USP9Y: variants seen among roughly 807,000 people sequenced by gnomAD.
USP9Y encodes the protein ubiquitin specific peptidase 9 Y-linked.
In USP9Y, 41 loss-of-function variants were observed where a neutral mutation model predicts 53.1. The ratio of observed to expected loss-of-function variants is 0.77; its 90% CI spans 0.60 to 1.00. The LOEUF (loss-of-function observed/expected upper bound fraction) is 1.00, where lower values mean the gene tolerates loss of function less well. Among genes scored for constraint, USP9Y ranks in the 50% least tolerant of loss-of-function variants. The probability of loss-of-function intolerance (pLI) is 0.00; values close to 1 mark genes in which losing one functional copy is unlikely to be tolerated. For synonymous variants in USP9Y, 220 were observed against 173.7 expected (o/e 1.27, Z -2.09); for missense variants, 567 against 535.8 (o/e 1.06, Z -0.58).
In USP9Y at chrY:12,856,389, G is replaced by A; in HGVS notation, c.7114G>A (p.Asp2372Asn). The A allele has an allele frequency of 2.3e-5, 9 of 397,425 alleles. No homozygotes were observed. Among genetic ancestry groups the A allele is most frequent in the Non-Finnish European group, 2.8e-5 (8 of 282,676 alleles). The part of the protein sequence containing the change: ...GIPDDRDGLF[D>N]TIQRSKNHYQ... ...TCCAGATGACAGAGATGGGCTGTTC[G>A]ATACAATACAGCGCTCGAAGAATCA... The change falls in exon 43 of 46, where the codon GAT (aspartate) becomes AAT (asparagine). Residue 2372 changes from aspartate (D) to asparagine (N), a missense_variant. Asp to Asn is a conservative substitution (Grantham distance 23). Transcript: ENST00000338981.
chrY:12,743,350 G>T, intron 12 of USP9Y, among the ~76,000 whole-genome samples: 1 of 32,705 alleles, frequency 3.1e-5, no homozygotes, highest in Non-Finnish European at 7.5e-5. Flanking sequence ...AGTTCACACC[G>T]TTCATCTGCC....
At chrY:12,812,596 G>GAAT (rs2053532082) in intron 30 of USP9Y, among the ~76,000 whole-genome samples, 2 of 33,616 alleles carry the variant, frequency 5.9e-5, no homozygotes, top group Admixed American at 2.7e-4. Context: ...AATTTATTTA[G>GAAT]AATGTCACTT....
At chrY:12,708,873 T>G (rs2053422061) in intron 2 of USP9Y, among the ~76,000 whole-genome samples, 180 bp downstream of exon 2, 1 of 34,298 alleles carries the variant, frequency 2.9e-5, no homozygotes, top group African/African-American at 1.1e-4. Context: ...TTATTAACTG[T>G]AAAGACTGGT....
chrY:12,830,720 A>T, intron 33 of USP9Y, among the ~76,000 whole-genome samples: 3 of 33,687 alleles, frequency 8.9e-5, no homozygotes, highest in Non-Finnish European at 2.2e-4. Context: ...TAATACTGGC[A>T]GTCCTACCCA....
intron 39 of USP9Y, among the ~76,000 whole-genome samples, chrY:12,844,521 T>C: frequency 3.0e-5 from 1 of 33,290 alleles, no homozygotes; most frequent in African/African-American, 1.2e-4. Context: ...ATACTTGTAA[T>C]AGAGTAAGAA....
chrY:12,738,818 G>A, intron 11 of USP9Y, among the ~76,000 whole-genome samples: 1 of 33,559 alleles, frequency 3.0e-5, no homozygotes, highest in African/African-American at 1.2e-4. Context: ...GGGATTGCAG[G>A]TGTGAGCCAC....
chrY:12,717,516 C>T, intron 3 of USP9Y, among the ~76,000 whole-genome samples: 1 of 32,619 alleles, frequency 3.1e-5, no homozygotes, highest in Non-Finnish European at 7.5e-5. Context: ...AGGCCTGTTT[C>T]TTAACCATGC....
chrY:12,734,823 A>C, intron 7 of USP9Y, among the ~76,000 whole-genome samples: 1 of 32,834 alleles, frequency 3.0e-5, no homozygotes, highest in Non-Finnish European at 7.4e-5. Context: ...TAATCCCAGC[A>C]CTTTGGGAGT....
At chrY:12,813,151 T>G in intron 31 of USP9Y, 99 bp downstream of exon 31, 1 of 202,618 alleles carries the variant, frequency 4.9e-6, no homozygotes, top group South Asian at 4.2e-5. Flanking sequence ...TGATGGACTT[T>G]TTTTGATCCA....
At chrY:12,850,350 T>C (rs2053570645) in intron 42 of USP9Y, among the ~76,000 whole-genome samples, 1 of 32,930 alleles carries the variant, frequency 3.0e-5, no homozygotes, top group South Asian at 7.0e-4. Context: ...TCTTTATTAG[T>C]CTTGCTAGTG....
intron 27 of USP9Y, among the ~76,000 whole-genome samples, chrY:12,798,825 A>C: frequency 3.3e-5 from 1 of 30,754 alleles, no homozygotes; most frequent in African/African-American, 1.3e-4. Flanking sequence ...CAGCTATGAC[A>C]TTTACATAGT....
At chrY:12,831,827 G>A in intron 33 of USP9Y, among the ~76,000 whole-genome samples, 3 of 33,737 alleles carry the variant, frequency 8.9e-5, no homozygotes, top group African/African-American at 3.5e-4. Flanking sequence ...AAACCCAAAG[G>A]AATTGAAAGC....
chrY:12,705,672 T>C, intron 1 of USP9Y, among the ~76,000 whole-genome samples: 1 of 33,506 alleles, frequency 3.0e-5, no homozygotes, highest in Non-Finnish European at 7.4e-5. Context: ...TGATTGTGTC[T>C]TTCCCTGTCT....
intron 3 of USP9Y, among the ~76,000 whole-genome samples, chrY:12,712,236 T>C (rs769911202): frequency 3.3e-4 from 11 of 33,498 alleles, no homozygotes; most frequent in Admixed American, 2.2e-3. Context: ...TCTACTGATA[T>C]AGTCTGCTGA....
At position 12,815,039 on chromosome Y, in the gene USP9Y, G is replaced by T. The variant is rs751286549; in HGVS notation, c.4610-1085G>T. Among the ~76,000 whole-genome samples, 3 of 33,885 alleles carry T rather than the reference G, an allele frequency of 8.9e-5. No homozygotes were observed. In the South Asian group the frequency reaches 2.0e-3, roughly 22 times the overall value. 90.9% of individuals were successfully genotyped at this position (33,885 alleles called of 37,273 possible). ...GAAGGAAACAGATATTTACGTGAAG[G>T]TTATACTTTTTTAAGAATCAGAACC... On this transcript the variant is annotated intron_variant, in intron 31 of 45. Transcript: ENST00000338981.
At chrY:12,815,720 G>A (rs935495792) in intron 31 of USP9Y, among the ~76,000 whole-genome samples, 5 of 33,134 alleles carry the variant, frequency 1.5e-4, no homozygotes. Context: ...GGAATGACAG[G>A]CACATGCCAC....
chrY:12,858,313 C>T (rs757425947), intron 45 of USP9Y, among the ~76,000 whole-genome samples: 4 of 31,893 alleles, frequency 1.3e-4, no homozygotes, highest in South Asian at 7.2e-4. Context: ...ACAGGGCTAT[C>T]GTGGGGCTCA....
chrY:12,755,235 G>A, intron 12 of USP9Y, among the ~76,000 whole-genome samples: 1 of 27,383 alleles, frequency 3.7e-5, no homozygotes, highest in Non-Finnish European at 8.4e-5. Flanking sequence ...CGCGGTCTCC[G>A]CTGACTGCAA....
At chrY:12,768,614 AT>A (rs1556158810) in intron 15 of USP9Y, among the ~76,000 whole-genome samples, 1 of 28,404 alleles carries the variant, frequency 3.5e-5, no homozygotes, top group South Asian at 7.8e-4. Context: ...GCCTTTTCTT[AT>A]TTTTTTTTTC....
Sources: allele counts gnomAD v4.1 joint callset (sites outside exome capture counted in the v4.1 genomes callset), GRCh38; gene constraint gnomAD v4.1.1; transcripts MANE v1.5; gene names NCBI Gene and HGNC (gene_info 2026-07-23, HGNC 2026-07-21).